Variants in AGRN observed in about 807,000 individuals in gnomAD.
AGRN encodes agrin proteoglycan.
Under a neutral mutation model 211.0 loss-of-function variants are expected in AGRN, and 106 were observed. The observed-to-expected ratio is 0.50, with a 90% CI of 0.43 to 0.59. The LOEUF (loss-of-function observed/expected upper bound fraction) is 0.59, where lower values mean the gene tolerates loss of function less well. Among genes scored for constraint, AGRN ranks in the 20% least tolerant of loss-of-function variants. The probability of loss-of-function intolerance (pLI) is 0.00; values close to 1 mark genes in which losing one functional copy is unlikely to be tolerated. For synonymous variants in AGRN, 1,525 were observed against 1,332.5 expected (o/e 1.14, Z -3.15); for missense variants, 3,040 against 2,982.6 (o/e 1.02, Z -0.45).
intron 2 of AGRN, among the ~76,000 whole-genome samples, chr1:1,022,998 AC>A (rs1306449366): frequency 6.6e-6 from 1 of 152,034 alleles, no homozygotes; most frequent in Non-Finnish European, 1.5e-5. Context: ...GCCCTCCCTG[AC>A]CCCAGCCTGG....
chr1:1,043,745 C>T lies in AGRN; in HGVS notation c.1798+13C>T, dbSNP rs1645012289. On this transcript the variant is annotated intron_variant, in intron 9 of 35. Coordinates refer to ENST00000379370, the MANE Select transcript of AGRN (RefSeq NM_198576.4). ...GCTGGACCCTGTGGTGAGTGAGGCC[C>T]TGGGGCCGGGCGGGCCAGGGTCCTG... The T allele has an allele frequency of 1.2e-6, 2 of 1,601,940 alleles. No homozygotes were observed. The highest frequency in any genetic ancestry group is 2.7e-5 in the African/African-American group (2 of 75,042).
At position 1,044,141 on chromosome 1, in the gene AGRN, G is replaced by A. The variant is rs750984309; in HGVS notation, c.2032G>A (p.Glu678Lys). 1 of 1,613,176 alleles carries A rather than the reference G, an allele frequency of 6.2e-7. No individual in the cohort carries two copies. Residue 678 changes from glutamate (E) to lysine (K), a missense_variant, in exon 11 of 36, where the codon GAG (glutamate) becomes AAG (lysine). Coordinates refer to ENST00000379370, the MANE Select transcript of AGRN (RefSeq NM_198576.4). ...CGGTTCCGGAGGCTCTGGCTCTGGG[G>A]AGGACGGTGACTGTGAGCAGGAGCT... The part of the protein sequence containing the change: ...ECGSGGSGSG[E>K]DGDCEQELCR...
rs1644778014 is a variant in AGRN at position 1,035,323 on chromosome 1, T to C, written c.510T>C (p.Asp170=). 3 of 1,612,904 alleles carry C rather than the reference T, an allele frequency of 1.9e-6. No individual in the cohort carries two copies. The African/African-American group carries it at 4.0e-5, about 22-fold the overall frequency. The part of the protein sequence containing the change: ...HFTPVPPTPP[D]ACRGMLCGFG... ...CTCCAGTGCCTCCGACGCCTCCTGATGGTGAGTAGGGCTGAGTTCGGGGGA... is the reference window on the plus strand; with the variant it reads ...CTCCAGTGCCTCCGACGCCTCCTGACGGTGAGTAGGGCTGAGTTCGGGGGA... The change falls in exon 3 of 36, where the codon GAT becomes GAC. Residue 170 remains aspartate (D), a splice_region_variant and synonymous_variant. Coordinates refer to ENST00000379370, the MANE Select transcript of AGRN (RefSeq NM_198576.4).
Position 1,046,632 on chromosome 1 carries a change from A to T in AGRN, c.3147A>T (p.Ala1049=). The T allele has an allele frequency of 6.2e-7, 1 of 1,600,594 alleles. No homozygotes were observed. Among genetic ancestry groups the T allele is most frequent in the Non-Finnish European group, 8.5e-7 (1 of 1,178,500 alleles). ...TGCCCCCCACGGCACCCTCCCCTGC[A>T]CCCAGCCTGGTGGCGTCCGCCTTTG... ...LTVPPTAPSP[A]PSLVASAFGE... is the part of the protein sequence containing the mutation. The change falls in exon 18 of 36, where the codon GCA becomes GCT. Residue 1049 remains alanine (A), a synonymous_variant. Transcript: ENST00000379370.
chr1:1,034,119 C>T (rs1157761175), intron 2 of AGRN: 4 of 985,290 alleles, frequency 4.1e-6, no homozygotes, highest in Admixed American at 6.1e-5. Context: ...CCGCTCCTAT[C>T]GCCGCTTCCG....
rs746403405 is a variant in AGRN, at chr1:1,041,713, C to A, written c.1177+11C>A. 1.1e-5 allele frequency: 17 copies of A among 1,602,462 alleles called. No individual in the cohort carries two copies. Among genetic ancestry groups the A allele is most frequent in the Non-Finnish European group, 1.7e-6 (2 of 1,176,696 alleles). ...AGTGCCAGGGTCGAGGTGAGCGGCT[C>A]CCCCGGGGGAGGGCTCCGGCCAGTG... On this transcript the variant is annotated intron_variant, in intron 6 of 35. Coordinates refer to ENST00000379370, the MANE Select transcript of AGRN (RefSeq NM_198576.4).
chr1:1,040,148 C>T (rs1457423255), intron 3 of AGRN, among the ~76,000 whole-genome samples: 2 of 152,100 alleles, frequency 1.3e-5, no homozygotes, highest in Admixed American at 6.5e-5. Context: ...GGGCGGGAGG[C>T]GGCAGGGCTC....
Position 1,051,487 on chromosome 1 carries a change from A to T in AGRN, c.5405A>T (p.Glu1802Val). ...SLGGRQLLTPEHVLRQVDVTS... is the reference protein window; with the variant it reads ...SLGGRQLLTPVHVLRQVDVTS... ...GGAGGCCGCCAGCTGCTGACCCCGG[A>T]GCACGTGCTGCGGCAGGTGGACGTC... is the stretch of plus-strand genomic sequence containing the variant. The change falls in exon 32 of 36, where the codon GAG (glutamate) becomes GTG (valine). Residue 1802 changes from glutamate (E) to valine (V), a missense_variant. This residue lies in a region of AGRN where 1,537 missense variants were observed against 1,505.0 expected (regional missense o/e 1.02). Transcript: ENST00000379370. 1 of 1,570,738 alleles carries T rather than the reference A, an allele frequency of 6.4e-7. No homozygotes were observed. The highest frequency in any genetic ancestry group is 8.6e-7 in the Non-Finnish European group (1 of 1,162,014).
At chr1:1,039,685 G>A (rs989384114) in intron 3 of AGRN, among the ~76,000 whole-genome samples, 2 of 152,148 alleles carry the variant, frequency 1.3e-5, no homozygotes, top group Non-Finnish European at 2.9e-5. Context: ...ACGTGTGTCA[G>A]GCGCTGTGGT....
intron 24 of AGRN, 66 bp from the exon 25 acceptor site, chr1:1,049,170 C>CAGCTCAGGTAGGCGGGGT: frequency 3.1e-6 from 4 of 1,288,406 alleles, no homozygotes; most frequent in Non-Finnish European, 4.0e-6. Flanking sequence ...GGGGGCGGGG[C>CAGCTCAGGTAGGCGGGGT]AGCTCAGGTA....
In AGRN at chr1:1,046,382, T is replaced by C. The variant is rs1419836107; in HGVS notation, c.2912-15T>C. 4 of 1,599,240 alleles carry C rather than the reference T, an allele frequency of 2.5e-6. No homozygotes were observed. Among genetic ancestry groups the C allele is most frequent in the East Asian group, 4.5e-5 (2 of 44,516 alleles). ...GTCCCAACCGGTCCCCCCGCCAACC[T>C]CCCTCTCCTTGCAGAGGCTGTTGCT... On this transcript the variant is annotated splice_polypyrimidine_tract_variant and intron_variant, in intron 17 of 35. Transcript: ENST00000379370.
At position 1,055,203 on chromosome 1, in the gene AGRN, C is replaced by T. The variant is rs1645422094; in HGVS notation, c.*222C>T. ...GTGGATGGCAGCCTCAGGACACACA[C>T]CCCTGCCTCAAGGTGCTGAGCCCCC... On this transcript the variant is annotated 3_prime_UTR_variant, in exon 36 of 36. Transcript: ENST00000379370. 1.1e-4 allele frequency: 80 copies of T among 696,828 alleles called. 3 individuals are homozygous for T. In the South Asian group the frequency reaches 1.4e-3, roughly 12 times the overall value. 43.2% of individuals were successfully genotyped at this position (696,828 alleles called of 1,614,324 possible).
At chr1:1,030,905 T>C (rs1329987234) in intron 2 of AGRN, among the ~76,000 whole-genome samples, 7 of 79,364 alleles carry the variant, frequency 8.8e-5, no homozygotes, top group East Asian at 1.4e-3. Context: ...GTGTGTGCAG[T>C]GCATGGTGCT....
rs185630187 is a variant in AGRN at position 1,053,645 on chromosome 1, C to T, written c.5652-108C>T. 2.8e-5 allele frequency: 41 copies of T among 1,489,958 alleles called. No individual in the cohort carries two copies. In the East Asian group the frequency reaches 7.6e-4, roughly 28 times the overall value. 92.3% of individuals were successfully genotyped at this position (1,489,958 alleles called of 1,614,324 possible). A position where few individuals can be genotyped will look rare whatever the true frequency, so the allele number is the denominator to read the frequency against. On this transcript the variant is annotated intron_variant, in intron 33 of 35. Coordinates refer to ENST00000379370, the MANE Select transcript of AGRN (RefSeq NM_198576.4). ...CTGCCCACCAGCCACCCCTGGGTCC[C>T]GTCACAGCCCTTGTGGCCTCCGCAG...
chr1:1,020,503 C>T, intron 1 of AGRN, 130 bp downstream of exon 1: 1 of 891,106 alleles, frequency 1.1e-6, no homozygotes, highest in Non-Finnish European at 1.5e-6. Context: ...GACCGCCAAG[C>T]CCCGGGAGGG....
At chr1:1,035,710 GGCTGGAAGTGGACAGGA>G (rs1457891516) in intron 3 of AGRN, among the ~76,000 whole-genome samples, 26 of 152,214 alleles carry the variant, frequency 1.7e-4, no homozygotes, top group Non-Finnish European at 2.9e-5. Context: ...GCTGGACAGA[GGCTGGAAGTGGACAGGA>G]GCTTGCAGGG....
rs377422616 is a variant in AGRN, at chr1:1,046,518, C to T, written c.3033C>T (p.Thr1011=). ...CCCTCCCCCTGGCTCCCAGCAGTAC[C>T]GCACACAGCCAGACCACCCCTCCGC... is the stretch of plus-strand genomic sequence containing the variant. ...PGALPLAPSS[T]AHSQTTPPPS... is the part of the protein sequence containing the mutation. The change falls in exon 18 of 36, where the codon ACC becomes ACT. Residue 1011 remains threonine (T), a synonymous_variant. Transcript: ENST00000379370. 2.4e-5 allele frequency: 39 copies of T among 1,610,410 alleles called. No homozygotes were observed. Among genetic ancestry groups the T allele is most frequent in the African/African-American group, 1.6e-4 (12 of 74,980 alleles).
At position 1,046,385 on chromosome 1, in the gene AGRN, C is replaced by G; in HGVS notation, c.2912-12C>G. ...CCAACCGGTCCCCCCGCCAACCTCC[C>G]TCTCCTTGCAGAGGCTGTTGCTCCC... is the stretch of plus-strand genomic sequence containing the variant. On this transcript the variant is annotated splice_polypyrimidine_tract_variant and intron_variant, in intron 17 of 35. Transcript: ENST00000379370. The G allele has an allele frequency of 1.9e-6, 3 of 1,610,510 alleles. No individual in the cohort carries two copies. Among genetic ancestry groups the G allele is most frequent in the Non-Finnish European group, 2.5e-6 (3 of 1,178,660 alleles).
At position 1,045,561 on chromosome 1, in the gene AGRN, C is replaced by T. The variant is rs191762234; in HGVS notation, c.2536+38C>T. On this transcript the variant is annotated intron_variant, in intron 14 of 35. Transcript: ENST00000379370. ...GCCCAGGACTGGCCACCGGCTATGCCCTCCTACCTGTTCACCCCCATCACT... is the reference window on the plus strand; with the variant it reads ...GCCCAGGACTGGCCACCGGCTATGCTCTCCTACCTGTTCACCCCCATCACT... 2,334 of 1,609,154 alleles carry T rather than the reference C, an allele frequency of 1.5e-3. 13 individuals are homozygous for T. In the East Asian group the frequency reaches 0.018, roughly 13 times the overall value.
Sources: allele counts gnomAD v4.1 joint callset (sites outside exome capture counted in the v4.1 genomes callset), GRCh38; gene constraint gnomAD v4.1.1; regional missense constraint gnomAD v4.1.1; transcripts MANE v1.5; gene names NCBI Gene and HGNC (gene_info 2026-07-23, HGNC 2026-07-21).